The following TMEM175 variants were observed in gnomAD, a reference collection of about 807,000 sequenced individuals.
TMEM175 encodes the protein endosomal/lysosomal proton channel TMEM175.
A neutral mutation model predicts 36.5 loss-of-function variants in TMEM175; 36 were observed. The ratio of observed to expected loss-of-function variants is 0.99; its 90% CI spans 0.76 to 1.30. The LOEUF (loss-of-function observed/expected upper bound fraction) is 1.30. Ranked by LOEUF, TMEM175 falls within the 50% of genes most tolerant of loss-of-function variation. The pLI is 0.00. For missense variants in TMEM175, 705 were observed against 692.8 expected, an observed-to-expected ratio of 1.02 and a Z score of -0.20; for synonymous variants, 339 against 313.4, an observed-to-expected ratio of 1.08 and a Z score of -0.86.
intron 7 of TMEM175, 94 bp from the exon 8 acceptor site, chr4:953,096 C>G: frequency 1.5e-6 from 2 of 1,359,204 alleles, no homozygotes; most frequent in Non-Finnish European, 9.9e-7. Context: ...CCTCGAGACC[C>G]TTGCGTGCGT....
intron 1 of TMEM175, among the ~76,000 whole-genome samples, chr4:937,551 G>C (rs1231890708): frequency 1.3e-5 from 2 of 152,150 alleles, no homozygotes; most frequent in Non-Finnish European, 2.9e-5. Flanking sequence ...CAACAAGAGT[G>C]AAACTCGATC....
intron 1 of TMEM175, among the ~76,000 whole-genome samples, chr4:935,524 A>G (rs1726692529): frequency 6.6e-6 from 1 of 152,262 alleles, no homozygotes; most frequent in Non-Finnish European, 1.5e-5. Flanking sequence ...TCTAAAATAC[A>G]CAAAGCATAA....
chr4:955,603 T>C (rs1053557346), intron 9 of TMEM175, 120 bp downstream of exon 9: 4 of 1,422,362 alleles, frequency 2.8e-6, no homozygotes, highest in Non-Finnish European at 3.8e-6. Flanking sequence ...TGGCTGGGGC[T>C]CCCCCACTCC....
At chr4:941,630 G>A (rs145144859) in intron 1 of TMEM175, among the ~76,000 whole-genome samples, 31 of 151,922 alleles carry the variant, frequency 2.0e-4, no homozygotes, top group Non-Finnish European at 4.1e-4. Context: ...GTAGAGGTGG[G>A]GTTTCATGTT....
At chr4:947,257 G>A (rs1381884161) in intron 1 of TMEM175, among the ~76,000 whole-genome samples, 5 of 141,806 alleles carry the variant, frequency 3.5e-5, no homozygotes, top group East Asian at 2.2e-4. Flanking sequence ...GAGCGAGAGC[G>A]GGGGAGAGCG....
chr4:936,539 T>C (rs1424489775), intron 1 of TMEM175, among the ~76,000 whole-genome samples: 1 of 152,110 alleles, frequency 6.6e-6, no homozygotes, highest in Non-Finnish European at 1.5e-5. Flanking sequence ...GAATGAGAAA[T>C]GACATCACTA....
At chr4:953,067 C>T (rs919108346) in intron 7 of TMEM175, 123 bp from the exon 8 acceptor site, 24 of 1,056,034 alleles carry the variant, frequency 2.3e-5, no homozygotes, top group Middle Eastern at 4.8e-4. Flanking sequence ...CCATGCAGCC[C>T]GGGGCCAGGT....
intron 1 of TMEM175, among the ~76,000 whole-genome samples, chr4:946,578 A>C (rs1286633577): frequency 6.6e-6 from 1 of 152,184 alleles, no homozygotes; most frequent in Non-Finnish European, 1.5e-5. Flanking sequence ...GCCATACCTC[A>C]GTTCTGTCTC....
chr4:948,391 G>T, intron 3 of TMEM175: 2 of 1,529,264 alleles, frequency 1.3e-6, no homozygotes, highest in East Asian at 2.5e-5. Flanking sequence ...GGGCTCCTAG[G>T]GCTCTGTTTC....
At position 953,269 on chromosome 4, in the gene TMEM175, A is replaced by T; in HGVS notation, c.542A>T (p.Tyr181Phe). 1 of 1,614,020 alleles carries T rather than the reference A, an allele frequency of 6.2e-7. No homozygotes were observed. The highest frequency in any genetic ancestry group is 8.5e-7 in the Non-Finnish European group (1 of 1,179,974). The change falls in exon 8 of 11, where the codon TAC becomes TTC. Residue 181 changes from tyrosine (Y) to phenylalanine (F), a missense_variant. By Grantham distance (22) the Tyr-to-Phe change is conservative. Transcript: ENST00000264771. ...QIQRSAHRAL[Y>F]RRHVLGIVLQ... ...CAGCGCTCTGCCCACAGGGCTCTGT[A>T]CCGACGACACGTCCTGGGCATCGTC...
At chr4:951,805 C>T in intron 6 of TMEM175, 88 bp downstream of exon 6, 1 of 1,371,592 alleles carries the variant, frequency 7.3e-7, no homozygotes, top group African/African-American at 1.4e-5. Flanking sequence ...AGCTGGATGG[C>T]CCAGGGCCCA....
intron 1 of TMEM175, among the ~76,000 whole-genome samples, chr4:947,175 G>A (rs940798637): frequency 6.8e-6 from 1 of 147,570 alleles, no homozygotes; most frequent in Non-Finnish European, 1.5e-5. Context: ...ACGTGCACAG[G>A]TGCCGAGACT....
At position 958,177 on chromosome 4, in the gene TMEM175, T is replaced by C; in HGVS notation, c.1196T>C (p.Leu399Pro). The change falls in exon 11 of 11, where the codon CTG becomes CCG. Residue 399 changes from leucine to proline, a missense_variant. Physicochemically the swap from Leu to Pro is moderately conservative, Grantham distance 98 (BLOSUM62 -3). Coordinates refer to ENST00000264771, the MANE Select transcript of TMEM175 (RefSeq NM_032326.4). ...CTGGCCATGTGGACCACGGCGCTGC[T>C]GCACCAGGCGGAGACGCTGCAGCCC... ...FQLAMWTTAL[L>P]HQAETLQPSV... The C allele has an allele frequency of 4.4e-6, 7 of 1,603,838 alleles. No homozygotes were observed. The highest frequency in any genetic ancestry group is 5.9e-6 in the Non-Finnish European group (7 of 1,179,130).
chr4:951,989 G>C (rs1387843199), intron 6 of TMEM175: 1 of 589,594 alleles, frequency 1.7e-6, no homozygotes. Flanking sequence ...TCCCAGGCCT[G>C]TCCCTGGCGT....
At chr4:948,583 A>T in intron 3 of TMEM175, 8 of 1,311,678 alleles carry the variant, frequency 6.1e-6, no homozygotes, top group Non-Finnish European at 8.0e-6. Context: ...CAGCGGGGAC[A>T]CTCCCACCCC....
In TMEM175 at chr4:958,401, C is replaced by T. The variant is rs145071737; in HGVS notation, c.1420C>T (p.Arg474Trp). The change falls in exon 11 of 11, where the codon CGG becomes TGG. Residue 474 changes from arginine to tryptophan, a missense_variant. Arg to Trp is a moderately radical substitution (Grantham distance 101). Coordinates refer to ENST00000264771, the MANE Select transcript of TMEM175 (RefSeq NM_032326.4). ...LLVGLALATL[R>W]VLRGLARPEH... is the part of the protein sequence containing the mutation. The stretch of plus-strand genomic sequence containing the variant: ...CGTGGGCCTGGCCCTGGCCACCCTG[C>T]GGGTCCTGCGGGGCCTCGCCCGGCC... 94 of 1,599,878 alleles carry T rather than the reference C, an allele frequency of 5.9e-5. No individual in the cohort carries two copies. Among genetic ancestry groups the T allele is most frequent in the Non-Finnish European group, 7.4e-5 (87 of 1,179,130 alleles).
intron 8 of TMEM175, among the ~76,000 whole-genome samples, chr4:955,021 C>G (rs1168028624): frequency 6.6e-6 from 1 of 152,124 alleles, no homozygotes; most frequent in East Asian, 1.9e-4. Context: ...TGCTCTGTCA[C>G]CCAGGCTGGA....
At chr4:945,172 G>GTGAGACAGCCTGTCATGGCAGTCCCAT in intron 1 of TMEM175, among the ~76,000 whole-genome samples, 1 of 151,846 alleles carries the variant, frequency 6.6e-6, no homozygotes, top group Non-Finnish European at 1.5e-5. Context: ...GGCAGTCCCA[G>GTGAGACAGCCTGTCATGGCAGTCCCAT]TGAGACTGCC....
chr4:951,710 C>T lies in TMEM175; in HGVS notation c.371C>T (p.Pro124Leu), dbSNP rs760540802. ...LACMMTITFLPYTFSLMVTFP... is the reference protein window; with the variant it reads ...LACMMTITFLLYTFSLMVTFP... ...TGCATGATGACCATCACCTTCCTGC[C>T]TTACACGGTGAGCAACACCAGGCCC... Residue 124 changes from proline to leucine, a missense_variant, in exon 6 of 11, where the codon CCT (proline) becomes CTT (leucine). By Grantham distance (98) the Pro-to-Leu change is moderately conservative. Coordinates refer to ENST00000264771, the MANE Select transcript of TMEM175 (RefSeq NM_032326.4). The T allele has an allele frequency of 4.3e-6, 7 of 1,614,052 alleles. No homozygotes were observed. The South Asian group carries it at 5.5e-5, about 13-fold the overall frequency.
Sources: allele counts gnomAD v4.1 joint callset (sites outside exome capture counted in the v4.1 genomes callset), GRCh38; gene constraint gnomAD v4.1.1; transcripts MANE v1.5; gene names NCBI Gene and HGNC (gene_info 2026-07-23, HGNC 2026-07-21).